Variants in PCNT observed in about 807,000 individuals in gnomAD.
The protein encoded by PCNT is kendrin.
Under a neutral mutation model 380.4 loss-of-function variants are expected in PCNT, and 319 were observed. That is an observed-to-expected ratio of 0.84 (90% CI 0.77 to 0.92). PCNT has a LOEUF of 0.92. Among genes scored for constraint, PCNT ranks in the 40% least tolerant of loss-of-function variants. The pLI, the probability that PCNT is intolerant of heterozygous loss-of-function variation, is 0.00. For synonymous variants in PCNT, 1,845 were observed against 1,735.2 expected (o/e 1.06, Z -1.57); for missense variants, 4,400 against 4,255.3 (o/e 1.03, Z -0.95).
intron 21 of PCNT, among the ~76,000 whole-genome samples, chr21:46,396,321 T>C (rs1403210032): frequency 6.6e-6 from 1 of 152,154 alleles, no homozygotes; most frequent in African/African-American, 2.4e-5. Context: ...TGCCAGCAGG[T>C]TTGGTGTCTG....
intron 37 of PCNT, 190 bp from the exon 38 acceptor site, chr21:46,431,339 C>T (rs1175870380): frequency 6.9e-7 from 1 of 1,445,652 alleles, no homozygotes; most frequent in African/African-American, 1.4e-5. Context: ...AGTATGTCAT[C>T]TCCGCAGTCT....
intron 33 of PCNT, among the ~76,000 whole-genome samples, chr21:46,426,349 C>T (rs1030093345): frequency 5.9e-5 from 9 of 152,128 alleles, no homozygotes; most frequent in East Asian, 1.9e-4. Context: ...TTTTTTAGCA[C>T]GGCCAAAAAG....
At chr21:46,354,981 C>T (rs1363905226) in intron 11 of PCNT, among the ~76,000 whole-genome samples, 1 of 152,222 alleles carries the variant, frequency 6.6e-6, no homozygotes, top group Non-Finnish European at 1.5e-5. Flanking sequence ...CCCCACCAGG[C>T]ATTCGTGTAT....
chr21:46,380,178 T>TG (rs2085476904), intron 15 of PCNT, among the ~76,000 whole-genome samples: 11 of 70,288 alleles, frequency 1.6e-4, no homozygotes, highest in Middle Eastern at 0.026. Context: ...TTTTTTTTTT[T>TG]TTTTTGAGAC....
At chr21:46,403,345 G>A (rs1370534064) in intron 27 of PCNT, among the ~76,000 whole-genome samples, 3 of 145,760 alleles carry the variant, frequency 2.1e-5, no homozygotes, top group East Asian at 2.1e-4. Context: ...TGGTGCCCAC[G>A]CGGCGCGTGC....
At chr21:46,381,174 CAAAAAA>C (rs34108721) in intron 15 of PCNT, among the ~76,000 whole-genome samples, 2 of 96,000 alleles carry the variant, frequency 2.1e-5, no homozygotes, top group Non-Finnish European at 4.3e-5. Flanking sequence ...AGAGTCCTTC[CAAAAAA>C]AAAAAAAAAA....
intron 26 of PCNT, 115 bp downstream of exon 26, chr21:46,401,836 A>G (rs2086439647): frequency 1.0e-6 from 1 of 979,446 alleles, no homozygotes; most frequent in African/African-American, 1.6e-5. Flanking sequence ...ACCACTGTGT[A>G]TTCTTTTCTT....
At chr21:46,421,882 G>T (rs981743840) in intron 31 of PCNT, 88 bp from the exon 32 acceptor site, 2 of 1,458,090 alleles carry the variant, frequency 1.4e-6, no homozygotes, top group South Asian at 1.2e-5. Flanking sequence ...ACTGCGGGCC[G>T]ATCACCCCTG....
At chr21:46,341,955 T>TC (rs1395768429) in intron 3 of PCNT, among the ~76,000 whole-genome samples, 11 of 151,380 alleles carry the variant, frequency 7.3e-5, no homozygotes, top group African/African-American at 2.7e-4. Flanking sequence ...TATTTTTTTT[T>TC]TTTTGAGATG....
At chr21:46,438,579 TTGA>T (rs2053525272) in intron 41 of PCNT, among the ~76,000 whole-genome samples, 1 of 152,234 alleles carries the variant, frequency 6.6e-6, no homozygotes, top group African/African-American at 2.4e-5. Context: ...TGACCGCTAC[TTGA>T]TGTTTGGTGC....
rs768029500 is a variant in PCNT at position 46,398,124 on chromosome 21, C to T, written c.4557C>T (p.Asp1519=). 4 of 1,606,614 alleles carry T rather than the reference C, an allele frequency of 2.5e-6. No homozygotes were observed. Among genetic ancestry groups the T allele is most frequent in the Admixed American group, 1.7e-5 (1 of 59,260 alleles). Reference sequence around the variant, plus strand: ...AGCCGCAGCCCTGGGGCCCTCGCGACAGCCAGGTGAGTCAGTGCAGCGTGC... The same window carrying T: ...AGCCGCAGCCCTGGGGCCCTCGCGATAGCCAGGTGAGTCAGTGCAGCGTGC... ...AAKPQPWGPR[D]SQQAPLDGEV... Residue 1519 remains aspartate, a synonymous_variant, in exon 23 of 47, where the codon GAC becomes GAT. Coordinates refer to ENST00000359568, the MANE Select transcript of PCNT (RefSeq NM_006031.6).
chr21:46,349,293 T>TTC, intron 7 of PCNT, 107 bp downstream of exon 7: 2 of 964,382 alleles, frequency 2.1e-6, no homozygotes, highest in Non-Finnish European at 3.4e-6. Flanking sequence ...GTTTCCTACC[T>TTC]TCTAAATGCT....
At position 46,411,193 on chromosome 21, in the gene PCNT, T is replaced by G; in HGVS notation, c.5120T>G (p.Ile1707Arg). ...LEEENTSLKVIYTRSSEIEEL... is the reference protein window; with the variant it reads ...LEEENTSLKVRYTRSSEIEEL... ...TGAAATGTCCTCTCTCTTCAGGTCA[T>G]ATATACCAGAAGTTCTGAGATTGAA... is the stretch of plus-strand genomic sequence containing the variant. Residue 1707 changes from isoleucine (I) to arginine (R), a missense_variant, in exon 28 of 47, where the codon ATA becomes AGA. Coordinates refer to ENST00000359568, the MANE Select transcript of PCNT (RefSeq NM_006031.6). 6.2e-7 allele frequency: 1 copy of G among 1,613,546 alleles called. No individual in the cohort carries two copies. Among genetic ancestry groups the G allele is most frequent in the Non-Finnish European group, 8.5e-7 (1 of 1,179,544 alleles).
At chr21:46,332,603 T>A (rs2083593621) in intron 2 of PCNT, among the ~76,000 whole-genome samples, 3 of 152,220 alleles carry the variant, frequency 2.0e-5, no homozygotes, top group Non-Finnish European at 4.4e-5. Flanking sequence ...CCTCACTTCC[T>A]CTTGATTCTG....
intron 28 of PCNT, among the ~76,000 whole-genome samples, chr21:46,412,461 CTCT>C (rs1275729644): frequency 1.1e-4 from 16 of 152,188 alleles, no homozygotes; most frequent in South Asian, 2.1e-4. Context: ...GGCGAGCGAG[CTCT>C]TCTTTTGGAG....
rs71318076 is a variant in PCNT, at chr21:46,417,184, CTTTTTTTTTTTTT to C, written c.6921+358_6921+370del. On this transcript the variant is annotated intron_variant, in intron 30 of 46. Transcript: ENST00000359568. The stretch of plus-strand genomic sequence containing the variant: ...TTAGATTTATTTTTAGGAATGCTTC[CTTTTTTTTTTTTT>C]TTTTTTTTTTTTGTGAGATGGAGTC... Among the ~76,000 whole-genome samples, 8 of 73,344 alleles carry C rather than the reference CTTTTTTTTTTTTT, an allele frequency of 1.1e-4. No individual in the cohort carries two copies. The South Asian group carries it at 4.6e-3, about 42-fold the overall frequency. The allele number at this position is 73,344 out of a possible 152,430, so 48.1% of individuals were successfully genotyped here. A position where few individuals can be genotyped will look rare whatever the true frequency, so the allele number is the denominator to read the frequency against.
intron 46 of PCNT, among the ~76,000 whole-genome samples, 180 bp downstream of exon 46, chr21:46,445,001 C>T (rs191840539): frequency 1.3e-5 from 2 of 152,302 alleles, no homozygotes; most frequent in East Asian, 3.9e-4. Flanking sequence ...GAAGTCTAAG[C>T]CAGTGTACTC....
At chr21:46,398,448 G>A (rs1010643873) in intron 24 of PCNT, among the ~76,000 whole-genome samples, 193 bp downstream of exon 24, 1 of 152,272 alleles carries the variant, frequency 6.6e-6, no homozygotes, top group Non-Finnish European at 1.5e-5. Context: ...TTCACACACA[G>A]TTGTAAGAGG....
chr21:46,365,161 T>A (rs2084854890), intron 14 of PCNT, among the ~76,000 whole-genome samples: 1 of 151,806 alleles, frequency 6.6e-6, no homozygotes, highest in African/African-American at 2.4e-5. Flanking sequence ...GGGGTTCTAT[T>A]CATTCACTGC....
Sources: allele counts gnomAD v4.1 joint callset (sites outside exome capture counted in the v4.1 genomes callset), GRCh38; gene constraint gnomAD v4.1.1; transcripts MANE v1.5; gene names NCBI Gene and HGNC (gene_info 2026-07-23, HGNC 2026-07-21).